The following RNF146 variants were observed in gnomAD, a reference collection of about 807,000 sequenced individuals.
RNF146 encodes ring finger protein 146.
In RNF146, 11 loss-of-function variants were observed where a neutral mutation model predicts 29.7. The observed-to-expected ratio is 0.37, with a 90% CI of 0.23 to 0.61. RNF146 has a LOEUF of 0.61. Ranked by LOEUF, RNF146 falls within the 20% of genes least tolerant of loss-of-function variation. The probability of loss-of-function intolerance (pLI) is 0.66; values close to 1 mark genes in which losing one functional copy is unlikely to be tolerated. For missense variants in RNF146, 342 were observed against 438.9 expected (o/e 0.78, Z 1.97); for synonymous variants, 150 against 159.7 (o/e 0.94, Z 0.46).
rs1779706655 is a variant in RNF146, at chr6:127,287,620, CAG to C, written c.1008_1009del (p.Gly338TrpfsTer10). ...CGATCGGGAACTGATCGATCAGTAG[CAG>C]GGGGTGGAACAGTGAGTGTCAGTGT... On this transcript the variant is annotated frameshift_variant, in exon 3 of 3. Coordinates refer to ENST00000368314, the MANE Select transcript of RNF146 (RefSeq NM_001242850.2). LOFTEE classifies it high-confidence loss of function. The C allele has an allele frequency of 3.7e-6, 6 of 1,612,420 alleles. No homozygotes were observed. The highest frequency in any genetic ancestry group is 5.1e-6 in the Non-Finnish European group (6 of 1,179,136).
intron 1 of RNF146, among the ~76,000 whole-genome samples, chr6:127,276,095 T>A (rs540244625): frequency 4.0e-5 from 6 of 151,766 alleles, no homozygotes; most frequent in African/African-American, 7.2e-5. Context: ...CAGTTTGAGG[T>A]TTTAGTGAGC....
At position 127,288,240 on chromosome 6, in the gene RNF146, C is replaced by A. The variant is rs1389981221; in HGVS notation, c.*547C>A. ...AACTTATGTTTCAGAATGTTTGTAA[C>A]ACACTTCATGGTGTTCCCATAGGCT... On this transcript the variant is annotated 3_prime_UTR_variant, in exon 3 of 3. Coordinates refer to ENST00000368314, the MANE Select transcript of RNF146 (RefSeq NM_001242850.2). The A allele has an allele frequency of 6.0e-6, 1 of 166,964 alleles. No individual in the cohort carries two copies. The highest frequency in any genetic ancestry group is 1.5e-5 in the Non-Finnish European group (1 of 68,196). The allele number at this position is 166,964 out of a possible 1,614,324, so 10.3% of individuals were successfully genotyped here. A position where few individuals can be genotyped will look rare whatever the true frequency, so the allele number is the denominator to read the frequency against.
At chr6:127,282,650 A>C (rs1293593260) in intron 2 of RNF146, among the ~76,000 whole-genome samples, 2 of 151,660 alleles carry the variant, frequency 1.3e-5, no homozygotes, top group African/African-American at 4.8e-5. Flanking sequence ...TAATTATCTT[A>C]TACTTGCATT....
At chr6:127,283,425 A>C (rs1438002675) in intron 2 of RNF146, among the ~76,000 whole-genome samples, 1 of 151,798 alleles carries the variant, frequency 6.6e-6, no homozygotes, top group Non-Finnish European at 1.5e-5. Flanking sequence ...TACTTGCTCT[A>C]CACAAAGGGA....
At chr6:127,272,830 A>G (rs1032300433) in intron 1 of RNF146, among the ~76,000 whole-genome samples, 60 of 152,362 alleles carry the variant, frequency 3.9e-4, no homozygotes, top group African/African-American at 1.4e-3. Context: ...AACTACTAAT[A>G]GCCTACTGTA....
At chr6:127,284,655 TG>T (rs1289852384) in intron 2 of RNF146, among the ~76,000 whole-genome samples, 5 of 151,950 alleles carry the variant, frequency 3.3e-5, no homozygotes, top group Non-Finnish European at 7.4e-5. Context: ...TAAAAACATA[TG>T]CCTTCTTTTG....
intron 1 of RNF146, among the ~76,000 whole-genome samples, chr6:127,276,826 G>A (rs1042791656): frequency 1.3e-5 from 2 of 152,062 alleles, no homozygotes; most frequent in African/African-American, 4.8e-5. Context: ...TTAAGGAACT[G>A]AAAATTGAGG....
rs550961944 is a variant in RNF146 at position 127,281,808 on chromosome 6, A to C, written c.2+1468A>C. ...TATATTGATCAGTCTTGGAGGAGTT[A>C]GGGGACAGTACTTACTAGATGTTGA... is the stretch of plus-strand genomic sequence containing the variant. On this transcript the variant is annotated intron_variant, in intron 2 of 2. Coordinates refer to ENST00000368314, the MANE Select transcript of RNF146 (RefSeq NM_001242850.2). 2.0e-5 allele frequency among the ~76,000 whole-genome samples: 3 copies of C among 151,806 alleles called. No homozygotes were observed. In the East Asian group the frequency reaches 5.8e-4, roughly 30 times the overall value.
intron 2 of RNF146, among the ~76,000 whole-genome samples, chr6:127,284,695 T>C (rs1188839889): frequency 6.6e-6 from 1 of 151,970 alleles, no homozygotes; most frequent in Non-Finnish European, 1.5e-5. Flanking sequence ...AGTTACAAGA[T>C]CTTTGAAGGC....
In RNF146 at chr6:127,286,131, CTTT is replaced by C. The variant is rs1779482283; in HGVS notation, c.3-480_3-478del. ...ATGAAGCTTTAGTGATTACAAAGCA[CTTT>C]TTTTGTCCATTTTTACCTGAGCTTT... On this transcript the variant is annotated intron_variant, in intron 2 of 2. Coordinates refer to ENST00000368314, the MANE Select transcript of RNF146 (RefSeq NM_001242850.2). The surrounding 1 kb of genome is among the most constrained non-coding windows in gnomAD (Gnocchi z 4.6). 3.3e-6 allele frequency: 4 copies of C among 1,230,340 alleles called. No individual in the cohort carries two copies. The Admixed American group carries it at 1.7e-4, about 52-fold the overall frequency. The allele number at this position is 1,230,340 out of a possible 1,614,324, so 76.2% of individuals were successfully genotyped here.
intron 2 of RNF146, chr6:127,280,820 C>T (rs1778822146): frequency 6.6e-6 from 1 of 152,040 alleles, no homozygotes. Flanking sequence ...TCACTCTGAT[C>T]CCCAGTTTTA....
intron 1 of RNF146, among the ~76,000 whole-genome samples, chr6:127,268,024 G>A (rs562995467): frequency 4.1e-4 from 63 of 152,184 alleles, no homozygotes; most frequent in Non-Finnish European, 7.5e-4. Context: ...ATTGGTATAT[G>A]TTTTAATTTA....
chr6:127,286,979 T>C lies in RNF146; in HGVS notation c.366T>C (p.Ser122=). The stretch of plus-strand genomic sequence containing the variant: ...GGTGGCAGTACGATGAGCGCACTAG[T>C]AGAGAGCTGGAAGATGCTTTTTCCA... ...NGWWQYDERT[S]RELEDAFSKG... Residue 122 remains serine (S), a synonymous_variant, in exon 3 of 3, where the codon AGT becomes AGC. Transcript: ENST00000368314. This position sits in a 1 kb window ranked among gnomAD's most constrained non-coding sequence, Gnocchi z 4.6. 1 of 1,613,412 alleles carries C rather than the reference T, an allele frequency of 6.2e-7. No homozygotes were observed. The highest frequency in any genetic ancestry group is 8.5e-7 in the Non-Finnish European group (1 of 1,179,632).
At chr6:127,275,993 T>C (rs1259027124) in intron 1 of RNF146, among the ~76,000 whole-genome samples, 1 of 152,020 alleles carries the variant, frequency 6.6e-6, no homozygotes, top group Non-Finnish European at 1.5e-5. Flanking sequence ...GTGCTTCACA[T>C]ATGGAAGAAA....
At chr6:127,272,047 C>G (rs866300234) in intron 1 of RNF146, among the ~76,000 whole-genome samples, 1 of 152,172 alleles carries the variant, frequency 6.6e-6, no homozygotes, top group Admixed American at 6.5e-5. Context: ...CTGTGAGAGA[C>G]AATACATTGT....
intron 1 of RNF146, among the ~76,000 whole-genome samples, chr6:127,267,594 C>G (rs1201374139): frequency 6.6e-6 from 1 of 152,158 alleles, no homozygotes; most frequent in East Asian, 1.9e-4. Context: ...CTCGCTCTTC[C>G]TCCTTTTTTT....
intron 2 of RNF146, among the ~76,000 whole-genome samples, chr6:127,281,535 T>G (rs189237839): frequency 1.2e-3 from 183 of 151,726 alleles, no homozygotes; most frequent in Admixed American, 3.6e-3. Context: ...TGAGTAGAAT[T>G]TTAACAGTCA....
chr6:127,286,166 T>C lies in RNF146; in HGVS notation c.3-450T>C. On this transcript the variant is annotated intron_variant, in intron 2 of 2. Coordinates refer to ENST00000368314, the MANE Select transcript of RNF146 (RefSeq NM_001242850.2). This position sits in a 1 kb window ranked among gnomAD's most constrained non-coding sequence, Gnocchi z 4.6. ...CCATTTTTACCTGAGCTTTGTAAAC[T>C]CTGATTTGCAGGTAAGGAAATTTAG... The C allele has an allele frequency of 1.6e-6, 2 of 1,230,858 alleles. No homozygotes were observed. Among genetic ancestry groups the C allele is most frequent in the Non-Finnish European group, 2.0e-6 (2 of 987,448 alleles). The allele number at this position is 1,230,858 out of a possible 1,614,324, so 76.2% of individuals were successfully genotyped here. A position where few individuals can be genotyped will look rare whatever the true frequency, so the allele number is the denominator to read the frequency against.
At chr6:127,284,022 A>G (rs934435209) in intron 2 of RNF146, among the ~76,000 whole-genome samples, 4 of 151,822 alleles carry the variant, frequency 2.6e-5, no homozygotes, top group Non-Finnish European at 5.9e-5. Flanking sequence ...ATGCAAGAGT[A>G]AGAGTCATGC....
Sources: gnomAD v4.1 joint callset for allele counts (sites outside exome capture counted in the v4.1 genomes callset) on GRCh38, gnomAD v4.1.1 for gene constraint, Gnocchi (gnomAD v3.1) non-coding constraint, MANE v1.5 for transcripts, NCBI Gene and HGNC (gene_info 2026-07-23, HGNC 2026-07-21) for gene names.